Variants in CHID1 observed in about 807,000 individuals in gnomAD.
CHID1 encodes the protein chitinase domain containing 1.
A neutral mutation model predicts 55.4 loss-of-function variants in CHID1; 44 were observed. The ratio of observed to expected loss-of-function variants is 0.79; its 90% CI spans 0.62 to 1.02. The LOEUF is 1.02. Ranked by LOEUF, CHID1 falls within the 50% of genes least tolerant of loss-of-function variation. The pLI is 0.00. For synonymous variants in CHID1, 216 were observed against 212.9 expected (o/e 1.01, Z -0.13); for missense variants, 491 against 515.3 (o/e 0.95, Z 0.46).
chr11:910,744 A>T (rs1485129484), intron 1 of CHID1, 31 bp downstream of exon 1: 2 of 1,213,792 alleles, frequency 1.6e-6, no homozygotes, highest in South Asian at 2.8e-5. Context: ...TGCAAGGAGG[A>T]GGAGCAGGGG....
intron 7 of CHID1, among the ~76,000 whole-genome samples, chr11:893,837 TAA>T (rs879432811): frequency 5.0e-5 from 7 of 138,848 alleles, no homozygotes; most frequent in Admixed American, 7.1e-5. Flanking sequence ...CATGGCAGAT[TAA>T]AAAAAAAAAA....
At chr11:881,192 G>A (rs1018881811) in intron 10 of CHID1, among the ~76,000 whole-genome samples, 4 of 152,204 alleles carry the variant, frequency 2.6e-5, no homozygotes, top group Non-Finnish European at 5.9e-5. Flanking sequence ...GCGTGTCATC[G>A]CAGCACTTTG....
intron 1 of CHID1, among the ~76,000 whole-genome samples, chr11:905,690 C>T (rs959594651): frequency 5.3e-5 from 8 of 151,672 alleles, no homozygotes; most frequent in South Asian, 2.1e-4. Context: ...AGAAAAAAAT[C>T]GTAGGCTCAG....
Position 910,784 on chromosome 11 carries a change from A to T in CHID1, c.-53T>A, listed in dbSNP as rs1006512276. Reference sequence around the variant, plus strand: ...CCGCCGCGGGGCTCACCTGCATGTCAGGGAGGCCGGACGGCCACAAACGCA... The same window carrying T: ...CCGCCGCGGGGCTCACCTGCATGTCTGGGAGGCCGGACGGCCACAAACGCA... On this transcript the variant is annotated 5_prime_UTR_variant, in exon 1 of 13. Transcript: ENST00000323578. The T allele has an allele frequency of 2.7e-6, 3 of 1,126,826 alleles. No individual in the cohort carries two copies. Among genetic ancestry groups the T allele is most frequent in the East Asian group, 2.1e-4 (2 of 9,464 alleles). The allele number at this position is 1,126,826 out of a possible 1,614,324, so 69.8% of individuals were successfully genotyped here. A position where few individuals can be genotyped will look rare whatever the true frequency, so the allele number is the denominator to read the frequency against.
At chr11:886,925 C>T (rs761700583) in intron 8 of CHID1, among the ~76,000 whole-genome samples, 25 of 152,234 alleles carry the variant, frequency 1.6e-4, no homozygotes, top group Admixed American at 1.2e-3. Flanking sequence ...GGTTGAGCAT[C>T]TCCTGGCCTG....
intron 10 of CHID1, among the ~76,000 whole-genome samples, chr11:873,251 A>G (rs748647217): frequency 6.6e-6 from 1 of 152,082 alleles, no homozygotes; most frequent in Non-Finnish European, 1.5e-5. Flanking sequence ...GGCCCACAGC[A>G]GAGGGAGGAC....
At chr11:901,969 G>A (rs1851841606) in intron 4 of CHID1, among the ~76,000 whole-genome samples, 1 of 151,894 alleles carries the variant, frequency 6.6e-6, no homozygotes, top group Non-Finnish European at 1.5e-5. Flanking sequence ...ACTTAGACAT[G>A]TCCACACCGA....
chr11:899,668 G>A (rs1308739715), intron 6 of CHID1, among the ~76,000 whole-genome samples: 2 of 152,224 alleles, frequency 1.3e-5, no homozygotes. Flanking sequence ...GGGTCTGGGG[G>A]CTCCCTGACC....
At chr11:904,382 G>C (rs980614756) in intron 2 of CHID1, among the ~76,000 whole-genome samples, 1 of 152,236 alleles carries the variant, frequency 6.6e-6, no homozygotes, top group Non-Finnish European at 1.5e-5. Flanking sequence ...AAGACAGCAA[G>C]ATGAAGATGC....
At chr11:886,619 G>A (rs966282926) in intron 8 of CHID1, among the ~76,000 whole-genome samples, 21 of 152,246 alleles carry the variant, frequency 1.4e-4, no homozygotes, top group African/African-American at 2.4e-4. Context: ...GTGTCCCTAT[G>A]AGAAGAGACA....
At chr11:900,233 G>A in intron 5 of CHID1, 123 bp from the exon 6 acceptor site, 1 of 697,582 alleles carries the variant, frequency 1.4e-6, no homozygotes, top group Non-Finnish European at 2.5e-6. Flanking sequence ...GACAGTGAGG[G>A]GCAGGGAGGC....
intron 8 of CHID1, among the ~76,000 whole-genome samples, chr11:891,835 A>G (rs907359704): frequency 1.3e-5 from 2 of 151,780 alleles, no homozygotes; most frequent in Non-Finnish European, 1.5e-5. Context: ...AGTGCCTTAC[A>G]TCGGAAAAGG....
At chr11:893,055 A>C (rs1850958972) in intron 8 of CHID1, among the ~76,000 whole-genome samples, 1 of 152,176 alleles carries the variant, frequency 6.6e-6, no homozygotes, top group Admixed American at 6.5e-5. Flanking sequence ...GCAGCTTTCC[A>C]GAGTGGCAGG....
intron 1 of CHID1, 112 bp from the exon 2 acceptor site, chr11:904,971 C>A: frequency 8.4e-7 from 1 of 1,191,002 alleles, no homozygotes; most frequent in Non-Finnish European, 1.2e-6. Flanking sequence ...CCTCATGGCA[C>A]TGGATGGACC....
At chr11:876,154 G>A (rs772258772) in intron 10 of CHID1, among the ~76,000 whole-genome samples, 8 of 152,186 alleles carry the variant, frequency 5.3e-5, no homozygotes, top group Non-Finnish European at 1.0e-4. Context: ...AGCCGGCACA[G>A]GTGCAAGGAC....
chr11:878,603 T>C (rs905013459), intron 10 of CHID1, among the ~76,000 whole-genome samples: 6 of 152,176 alleles, frequency 3.9e-5, no homozygotes, highest in Admixed American at 2.0e-4. Context: ...AGTACTCAGT[T>C]TCAGGTATTC....
At chr11:890,051 T>G (rs1174994757) in intron 8 of CHID1, among the ~76,000 whole-genome samples, 1 of 151,680 alleles carries the variant, frequency 6.6e-6, no homozygotes, top group Non-Finnish European at 1.5e-5. Context: ...TTGGGTCCCC[T>G]GGCCCCTGTC....
Position 870,358 on chromosome 11 carries a change from A to AC in CHID1, c.1040+60dup, listed in dbSNP as rs964204214. 12 of 1,444,532 alleles carry AC rather than the reference A, an allele frequency of 8.3e-6. No individual in the cohort carries two copies. In the Admixed American group the frequency reaches 1.3e-4, roughly 15 times the overall value. 89.5% of individuals were successfully genotyped at this position (1,444,532 alleles called of 1,614,324 possible). A position where few individuals can be genotyped will look rare whatever the true frequency, so the allele number is the denominator to read the frequency against. On this transcript the variant is annotated intron_variant, in intron 11 of 12. Coordinates refer to ENST00000323578, the MANE Select transcript of CHID1 (RefSeq NM_023947.4). ...TGGGCCCTGCTGCTCCCTCATCTCC[A>AC]CCCCCAGGGCCCCTCCCTGCACACA...
In CHID1 at chr11:902,316, G is replaced by T. The variant is rs749473163; in HGVS notation, c.276C>A (p.Gly92=). The T allele has an allele frequency of 1.9e-6, 3 of 1,611,954 alleles. No individual in the cohort carries two copies. The highest frequency in any genetic ancestry group is 2.5e-6 in the Non-Finnish European group (3 of 1,178,276). The stretch of plus-strand genomic sequence containing the variant: ...TCCCAAAGACCTTGGTGACATCGTA[G>T]CCATGGCTGTTCCACTGGCAAAAGA... The part of the protein sequence containing the change: ...LGYVTPWNSH[G]YDVTKVFGSK... The change falls in exon 4 of 13, where the codon GGC becomes GGA. Residue 92 remains glycine, a synonymous_variant. Transcript: ENST00000323578.
Sources: allele counts gnomAD v4.1 joint callset (sites outside exome capture counted in the v4.1 genomes callset), GRCh38; gene constraint gnomAD v4.1.1; transcripts MANE v1.5; gene names NCBI Gene and HGNC (gene_info 2026-07-23, HGNC 2026-07-21).